ZNF710: variants seen among roughly 807,000 people sequenced by gnomAD.
ZNF710 encodes the protein zinc finger protein 710.
In ZNF710, 13 loss-of-function variants were observed where a neutral mutation model predicts 50.6. The ratio of observed to expected loss-of-function variants is 0.26; its 90% CI spans 0.17 to 0.41. The LOEUF (loss-of-function observed/expected upper bound fraction) is 0.41, where lower values mean the gene tolerates loss of function less well. Ranked by LOEUF, ZNF710 falls within the 10% of genes least tolerant of loss-of-function variation. The pLI is 1.00. For synonymous variants in ZNF710, 383 were observed against 397.0 expected, an observed-to-expected ratio of 0.96 and a Z score of 0.42; for missense variants, 721 against 936.6, an observed-to-expected ratio of 0.77 and a Z score of 3.01.
intron 1 of ZNF710, among the ~76,000 whole-genome samples, chr15:90,058,803 T>C (rs1899914673): frequency 6.6e-6 from 1 of 151,728 alleles, no homozygotes; most frequent in Admixed American, 6.6e-5. Flanking sequence ...AAGTCCAAAA[T>C]CTGCAGGGCA....
rs1033387178 is a variant in ZNF710, at chr15:90,060,005, T to A, written c.-28-7105T>A. On this transcript the variant is annotated intron_variant, in intron 1 of 4. Coordinates refer to ENST00000268154, the MANE Select transcript of ZNF710 (RefSeq NM_198526.4). ...AGAGCCACATCCTGGAGGGCTTGAATGCCAGACCCAGGGTCAGGAGCCCCC... is the reference window on the plus strand; with the variant it reads ...AGAGCCACATCCTGGAGGGCTTGAAAGCCAGACCCAGGGTCAGGAGCCCCC... 3.9e-5 allele frequency among the ~76,000 whole-genome samples: 6 copies of A among 152,304 alleles called. No individual in the cohort carries two copies. The South Asian group carries it at 1.2e-3, about 32-fold the overall frequency.
At position 90,073,088 on chromosome 15, in the gene ZNF710, G is replaced by C; in HGVS notation, c.1476G>C (p.Lys492Asn). The change falls in exon 3 of 5, where the codon AAG becomes AAC. Residue 492 changes from lysine (K) to asparagine (N), a missense_variant. Transcript: ENST00000268154. The stretch of plus-strand genomic sequence containing the variant: ...CCCCACAGGGCGTGAAGGAGTTCAA[G>C]TGCGAGGTGTGTGGCCGGGAGTTCA... ...SLTHKGVKEF[K>N]CEVCGREFTL... 6.2e-7 allele frequency: 1 copy of C among 1,614,000 alleles called. No homozygotes were observed. Among genetic ancestry groups the C allele is most frequent in the East Asian group, 2.2e-5 (1 of 44,874 alleles).
chr15:90,009,528 C>T (rs1407425795), intron 1 of ZNF710, among the ~76,000 whole-genome samples: 1 of 152,106 alleles, frequency 6.6e-6, no homozygotes, highest in Non-Finnish European at 1.5e-5. Context: ...CCCACCCCTG[C>T]CCCAACCTGG....
chr15:90,055,260 A>G (rs1899775659), intron 1 of ZNF710, among the ~76,000 whole-genome samples: 2 of 152,184 alleles, frequency 1.3e-5, no homozygotes, highest in Non-Finnish European at 2.9e-5. Context: ...GGTCCGGGCA[A>G]GCTTCCTGAG....
At chr15:90,074,903 T>C (rs904231601) in intron 4 of ZNF710, 14 of 242,868 alleles carry the variant, frequency 5.8e-5, no homozygotes, top group African/African-American at 2.8e-4. Context: ...AGTCACACTC[T>C]TCACAAGTGC....
chr15:90,034,430 G>C lies in ZNF710; in HGVS notation c.-28-32680G>C, dbSNP rs1407823020. Reference sequence around the variant, plus strand: ...CTGTCCTTCCTGTTTCCAAATTCCTGTGTGTGTGTGTGTGTGTGTGTGTGT... The same window carrying C: ...CTGTCCTTCCTGTTTCCAAATTCCTCTGTGTGTGTGTGTGTGTGTGTGTGT... On this transcript the variant is annotated intron_variant, in intron 1 of 4. Coordinates refer to ENST00000268154, the MANE Select transcript of ZNF710 (RefSeq NM_198526.4). The surrounding 1 kb of genome is among the most constrained non-coding windows in gnomAD (Gnocchi z 4.0). Among the ~76,000 whole-genome samples the C allele has an allele frequency of 3.7e-5, 1 of 27,214 alleles. No individual in the cohort carries two copies. Among genetic ancestry groups the C allele is most frequent in the South Asian group, 9.8e-4 (1 of 1,024 alleles). The allele number at this position is 27,214 out of a possible 152,430, so 17.9% of individuals were successfully genotyped here.
rs398028304 is a variant in ZNF710 at position 90,034,428 on chromosome 15, CTGTGTG to C, written c.-28-32640_-28-32635del. On this transcript the variant is annotated intron_variant, in intron 1 of 4. Transcript: ENST00000268154. The surrounding 1 kb of genome is among the most constrained non-coding windows in gnomAD (Gnocchi z 4.0). ...AGCTGTCCTTCCTGTTTCCAAATTC[CTGTGTG>C]TGTGTGTGTGTGTGTGTGTGTGTGT... is the stretch of plus-strand genomic sequence containing the variant. 0.05 allele frequency among the ~76,000 whole-genome samples: 6,758 copies of C among 136,152 alleles called. 223 individuals carry two copies. The highest frequency in any genetic ancestry group is 0.1 in the Admixed American group (1,391 of 13,792). The allele number at this position is 136,152 out of a possible 152,430, so 89.3% of individuals were successfully genotyped here.
intron 1 of ZNF710, among the ~76,000 whole-genome samples, chr15:90,044,603 C>T (rs116007115): frequency 6.6e-6 from 1 of 152,212 alleles, no homozygotes; most frequent in Non-Finnish European, 1.5e-5. Context: ...CACCTGGGAG[C>T]TATAGAGAAT....
At chr15:90,057,423 C>T (rs1239004634) in intron 1 of ZNF710, among the ~76,000 whole-genome samples, 3 of 151,962 alleles carry the variant, frequency 2.0e-5, no homozygotes, top group Non-Finnish European at 2.9e-5. Context: ...AGGCCGGGCA[C>T]GGTGGCTCAC....
At chr15:90,048,094 A>G (rs1596287293) in intron 1 of ZNF710, among the ~76,000 whole-genome samples, 1 of 152,076 alleles carries the variant, frequency 6.6e-6, no homozygotes, top group Admixed American at 6.5e-5. Context: ...TGGCACTGTC[A>G]CTCTCAGGGC....
chr15:90,058,626 A>C (rs1389279750), intron 1 of ZNF710, among the ~76,000 whole-genome samples: 1 of 151,622 alleles, frequency 6.6e-6, no homozygotes, highest in Non-Finnish European at 1.5e-5. Context: ...GTCAGGGGAG[A>C]TGATCCACAG....
At chr15:90,030,844 G>C (rs759682753) in intron 1 of ZNF710, among the ~76,000 whole-genome samples, 1 of 151,816 alleles carries the variant, frequency 6.6e-6, no homozygotes, top group Non-Finnish European at 1.5e-5. Context: ...GTGAAACCCC[G>C]TCTCTACTTA....
chr15:90,073,338 G>A (rs1383098858), intron 3 of ZNF710, 76 bp downstream of exon 3: 4 of 1,528,452 alleles, frequency 2.6e-6, no homozygotes, highest in South Asian at 2.4e-5. Context: ...AGCAGCTGTG[G>A]CCCACCAAGC....
chr15:90,013,429 C>T (rs1898367835), intron 1 of ZNF710, among the ~76,000 whole-genome samples: 1 of 152,132 alleles, frequency 6.6e-6, no homozygotes, highest in Non-Finnish European at 1.5e-5. Context: ...TGATTGCAAG[C>T]TTATGCTTAT....
chr15:90,025,289 T>C (rs1898744243), intron 1 of ZNF710: 1 of 152,142 alleles, frequency 6.6e-6, no homozygotes, highest in Non-Finnish European at 1.5e-5. Context: ...CTTCCTTCAC[T>C]CTCTGGCCAG....
At chr15:90,002,332 C>T (rs927772370) in intron 1 of ZNF710, among the ~76,000 whole-genome samples, 3 of 122,092 alleles carry the variant, frequency 2.5e-5, no homozygotes, top group Non-Finnish European at 4.8e-5. Context: ...GGGACAGCGT[C>T]GGGGCGCCGC....
rs777252036 is a variant in ZNF710 at position 90,071,645 on chromosome 15, TA to T, written c.1459-1418del. On this transcript the variant is annotated intron_variant, in intron 2 of 4. Coordinates refer to ENST00000268154, the MANE Select transcript of ZNF710 (RefSeq NM_198526.4). ...ATCAAAAAGAAAACAGCTCCCAACT[TA>T]AAAAAAATTTCTTTTATTTATTTAT... is the stretch of plus-strand genomic sequence containing the variant. Among the ~76,000 whole-genome samples, 9 of 150,520 alleles carry T rather than the reference TA, an allele frequency of 6.0e-5. No individual in the cohort carries two copies. The East Asian group carries it at 7.8e-4, about 13-fold the overall frequency.
chr15:90,078,206 G>A (rs185112727), intron 4 of ZNF710, among the ~76,000 whole-genome samples: 10 of 126,002 alleles, frequency 7.9e-5, no homozygotes, highest in Admixed American at 7.7e-4. Context: ...AGCGAAACTC[G>A]GTCTCAAAAA....
At chr15:90,000,981 G>C (rs1897995743), upstream of ZNF710, among the ~76,000 whole-genome samples, 2 of 150,954 alleles carry the variant, frequency 1.3e-5, no homozygotes, top group South Asian at 4.2e-4. Context: ...TTTCTGCTGA[G>C]AGGAGAAAAA....
Sources: allele counts gnomAD v4.1 joint callset (sites outside exome capture counted in the v4.1 genomes callset), GRCh38; gene constraint gnomAD v4.1.1; non-coding constraint Gnocchi (gnomAD v3.1); transcripts MANE v1.5; gene names NCBI Gene and HGNC (gene_info 2026-07-23, HGNC 2026-07-21).